Variants in CACNA2D1 observed in about 807,000 individuals in gnomAD.
CACNA2D1 encodes calcium voltage-gated channel auxiliary subunit alpha2delta 1.
Under a neutral mutation model 171.5 loss-of-function variants are expected in CACNA2D1, and 53 were observed. The ratio of observed to expected loss-of-function variants is 0.31; its 90% CI spans 0.25 to 0.39. The LOEUF is 0.39. Among genes scored for constraint, CACNA2D1 ranks in the 10% least tolerant of loss-of-function variants. The probability of loss-of-function intolerance (pLI) is 1.00; values close to 1 mark genes in which losing one functional copy is unlikely to be tolerated. For missense variants in CACNA2D1, 903 were observed against 1,299.8 expected (o/e 0.69, Z 4.69); for synonymous variants, 442 against 443.1 (o/e 1.00, Z 0.03).
At chr7:82,038,304 G>A (rs1803551279) in intron 10 of CACNA2D1, 69 bp from the exon 11 acceptor site, 4 of 1,384,766 alleles carry the variant, frequency 2.9e-6, no homozygotes, top group South Asian at 1.2e-5. Flanking sequence ...CATAGAATTT[G>A]TGTTTGATAC....
At position 82,149,806 on chromosome 7, in the gene CACNA2D1, C is replaced by A. The variant is rs907378458; in HGVS notation, c.355-13130G>T. 6.6e-3 allele frequency among the ~76,000 whole-genome samples: 839 copies of A among 127,010 alleles called. 8 individuals are homozygous for A. The highest frequency in any genetic ancestry group is 0.022 in the African/African-American group (802 of 36,666). The allele number at this position is 127,010 out of a possible 152,430, so 83.3% of individuals were successfully genotyped here. Reference sequence around the variant, plus strand: ...AACAAACAAACAACAAAAAAAAAAACATTAGCTGGGTGTGGTGGTAGGCGC... The same window carrying A: ...AACAAACAAACAACAAAAAAAAAAAAATTAGCTGGGTGTGGTGGTAGGCGC... On this transcript the variant is annotated intron_variant, in intron 4 of 38. Coordinates refer to ENST00000356860, the MANE Select transcript of CACNA2D1 (RefSeq NM_000722.4).
chr7:82,063,368 T>C (rs1183007931), intron 9 of CACNA2D1, among the ~76,000 whole-genome samples: 1 of 152,140 alleles, frequency 6.6e-6, no homozygotes, highest in Non-Finnish European at 1.5e-5. Context: ...AAAATAAGAA[T>C]TAACATTTAA....
chr7:82,243,701 C>T (rs1804587581), intron 3 of CACNA2D1, among the ~76,000 whole-genome samples: 2 of 152,152 alleles, frequency 1.3e-5, no homozygotes, highest in South Asian at 4.1e-4. Context: ...ATGTGGCTTA[C>T]CTATACTCCC....
chr7:82,059,041 A>G (rs2131367629), intron 10 of CACNA2D1, among the ~76,000 whole-genome samples: 1 of 152,274 alleles, frequency 6.6e-6, no homozygotes, highest in East Asian at 1.9e-4. Flanking sequence ...GGGACTAAAC[A>G]AAGTCTCCTG....
chr7:82,252,249 C>G (rs910088567), intron 3 of CACNA2D1, among the ~76,000 whole-genome samples: 1 of 152,080 alleles, frequency 6.6e-6, no homozygotes, highest in Non-Finnish European at 1.5e-5. Flanking sequence ...TTGCAAACTG[C>G]TTGATGTAAT....
At chr7:82,066,568 A>C (rs779022070) in intron 7 of CACNA2D1, 44 bp from the exon 8 acceptor site, 3 of 1,557,454 alleles carry the variant, frequency 1.9e-6, no homozygotes, top group African/African-American at 2.8e-5. Context: ...AAAATATTAG[A>C]TATGCTCTAA....
chr7:82,073,633 T>C (rs1313667254), intron 7 of CACNA2D1, among the ~76,000 whole-genome samples: 1 of 152,142 alleles, frequency 6.6e-6, no homozygotes, highest in Non-Finnish European at 1.5e-5. Flanking sequence ...GGAGTTTCAC[T>C]GTTGTTGCCC....
intron 18 of CACNA2D1, among the ~76,000 whole-genome samples, chr7:81,997,950 C>T (rs1406184729): frequency 2.6e-5 from 4 of 151,768 alleles, no homozygotes; most frequent in Non-Finnish European, 5.9e-5. Flanking sequence ...TTTCCTATTG[C>T]TTCTTCTTGC....
At chr7:82,087,302 C>T (rs1810588345) in intron 6 of CACNA2D1, among the ~76,000 whole-genome samples, 1 of 152,074 alleles carries the variant, frequency 6.6e-6, no homozygotes, top group South Asian at 2.1e-4. Context: ...CAAAGACGAT[C>T]TGCCATAGGA....
chr7:82,431,637 C>T (rs1398764511), intron 1 of CACNA2D1, among the ~76,000 whole-genome samples: 4 of 152,098 alleles, frequency 2.6e-5, no homozygotes, highest in Admixed American at 6.5e-5. Context: ...ATCTGAACTC[C>T]TAAGGAAATT....
Position 81,957,524 on chromosome 7 carries a change from G to A in CACNA2D1, c.3159+1751C>T, listed in dbSNP as rs554402444. On this transcript the variant is annotated intron_variant, in intron 38 of 38. Coordinates refer to ENST00000356860, the MANE Select transcript of CACNA2D1 (RefSeq NM_000722.4). ...GGAGCTGACATCATGGTACAGGCAC[G>A]ACTCGTTGTGCACTTAAGTTGATCC... Among the ~76,000 whole-genome samples the A allele has an allele frequency of 6.4e-4, 98 of 152,122 alleles. 2 individuals are homozygous for A. In the South Asian group the frequency reaches 0.02, roughly 30 times the overall value.
chr7:82,306,454 G>C (rs2129429880), intron 3 of CACNA2D1, among the ~76,000 whole-genome samples: 1 of 152,306 alleles, frequency 6.6e-6, no homozygotes, highest in Non-Finnish European at 1.5e-5. Context: ...AGAAGAAGGA[G>C]ATTTTGCTGT....
chr7:82,408,917 G>A lies in CACNA2D1; in HGVS notation c.95+34448C>T, dbSNP rs1585857386. ...AGCTTCAAAGATACTAAAGCTTTAA[G>A]AGAAAAGACGTGATGGGGAGGATGG... On this transcript the variant is annotated intron_variant, in intron 1 of 38. Transcript: ENST00000356860. Among the ~76,000 whole-genome samples the A allele has an allele frequency of 2.6e-5, 4 of 152,250 alleles. No individual in the cohort carries two copies. In the South Asian group the frequency reaches 8.3e-4, roughly 32 times the overall value.
chr7:82,117,011 T>C, intron 6 of CACNA2D1, 33 bp downstream of exon 6: 1 of 1,610,992 alleles, frequency 6.2e-7, no homozygotes, highest in Non-Finnish European at 8.5e-7. Context: ...GAGAGCATGG[T>C]ATTCCAACAG....
intron 3 of CACNA2D1, among the ~76,000 whole-genome samples, chr7:82,240,966 CAA>C (rs201212928): frequency 0.027 from 3,382 of 126,180 alleles, 132 homozygotes; most frequent in African/African-American, 0.092. Flanking sequence ...GACTCCATCT[CAA>C]AAAAAAAAAA....
At chr7:82,441,855 A>G (rs1830528733) in intron 1 of CACNA2D1, among the ~76,000 whole-genome samples, 1 of 152,236 alleles carries the variant, frequency 6.6e-6, no homozygotes, top group Non-Finnish European at 1.5e-5. Context: ...AGGCCAAGCA[A>G]CAAACAGACT....
At chr7:82,228,886 A>T (rs1802619805) in intron 3 of CACNA2D1, among the ~76,000 whole-genome samples, 1 of 152,104 alleles carries the variant, frequency 6.6e-6, no homozygotes, top group African/African-American at 2.4e-5. Flanking sequence ...TCATACTGGG[A>T]TCTCTGGTTG....
intron 3 of CACNA2D1, among the ~76,000 whole-genome samples, chr7:82,300,847 A>G (rs866675333): frequency 1.3e-5 from 2 of 152,124 alleles, no homozygotes; most frequent in East Asian, 1.9e-4. Context: ...AATATGCGTG[A>G]AACTGATATA....
At chr7:82,402,705 C>CAAAAAA (rs59290672) in intron 1 of CACNA2D1, among the ~76,000 whole-genome samples, 22 of 64,786 alleles carry the variant, frequency 3.4e-4, no homozygotes, top group East Asian at 5.0e-4. Flanking sequence ...GACTCTGTCT[C>CAAAAAA]AAAAAAAAAA....
Sources: allele counts gnomAD v4.1 joint callset (sites outside exome capture counted in the v4.1 genomes callset), GRCh38; gene constraint gnomAD v4.1.1; transcripts MANE v1.5; gene names NCBI Gene and HGNC (gene_info 2026-07-23, HGNC 2026-07-21).